Variants in ANK3 observed in about 807,000 individuals in gnomAD.
ANK3 encodes the protein ankyrin-3.
A neutral mutation model predicts 370.9 loss-of-function variants in ANK3; 57 were observed. The ratio of observed to expected loss-of-function variants is 0.15; its 90% CI spans 0.12 to 0.19. The LOEUF (loss-of-function observed/expected upper bound fraction) is 0.19. Among genes scored for constraint, ANK3 ranks in the 10% least tolerant of loss-of-function variants. The probability of loss-of-function intolerance (pLI) is 1.00; values close to 1 mark genes in which losing one functional copy is unlikely to be tolerated. For synonymous variants in ANK3, 1,929 were observed against 1,946.3 expected (o/e 0.99, Z 0.23); for missense variants, 4,439 against 5,302.1 (o/e 0.84, Z 5.06).
At chr10:60,623,318 T>C (rs920755445) in intron 1 of ANK3, among the ~76,000 whole-genome samples, 3 of 151,994 alleles carry the variant, frequency 2.0e-5, no homozygotes, top group African/African-American at 4.8e-5. Flanking sequence ...AAGAAAGGGA[T>C]CCAAAAAGGA....
intron 2 of ANK3, among the ~76,000 whole-genome samples, chr10:60,430,634 C>A (rs761796745): frequency 6.6e-6 from 1 of 152,100 alleles, no homozygotes; most frequent in Non-Finnish European, 1.5e-5. Flanking sequence ...CCTAGTTACA[C>A]GTATTACTGC....
At chr10:60,496,644 T>C (rs2075663335) in intron 2 of ANK3, among the ~76,000 whole-genome samples, 1 of 150,652 alleles carries the variant, frequency 6.6e-6, no homozygotes, top group Non-Finnish European at 1.5e-5. Context: ...TATCCAACTT[T>C]AATTACTTTA....
rs2131971885 is a variant in ANK3 at position 60,071,544 on chromosome 10, C to T, written c.9337G>A (p.Gly3113Ser). The T allele has an allele frequency of 6.2e-7, 1 of 1,613,874 alleles. No individual in the cohort carries two copies. The highest frequency in any genetic ancestry group is 1.1e-5 in the South Asian group (1 of 91,072). ...KQYEKEIQQG[G>S]VKKIISQECK... ...TCCTGACTTATGATTTTTTTTACAC[C>T]TCCTTGTTGTATCTCCTTTTCATAT... Residue 3113 changes from glycine (G) to serine (S), a missense_variant, in exon 37 of 44, where the codon GGT (glycine) becomes AGT (serine). Gly to Ser is a moderately conservative substitution (Grantham distance 56). Transcript: ENST00000280772.
chr10:60,471,720 A>G (rs1226199836), intron 2 of ANK3, among the ~76,000 whole-genome samples: 1 of 152,132 alleles, frequency 6.6e-6, no homozygotes, highest in Non-Finnish European at 1.5e-5. Flanking sequence ...TAAGAAATTA[A>G]TAATTTTTTA....
intron 18 of ANK3, among the ~76,000 whole-genome samples, chr10:60,175,154 A>C (rs758549561): frequency 6.6e-6 from 1 of 152,140 alleles, no homozygotes; most frequent in Non-Finnish European, 1.5e-5. Flanking sequence ...TCCCCCATCC[A>C]TACATCTTTT....
At position 60,034,161 on chromosome 10, in the gene ANK3, C is replaced by T. The variant is rs571017008; in HGVS notation, c.*20-4335G>A. On this transcript the variant is annotated intron_variant, in intron 43 of 43. Coordinates refer to ENST00000280772, the MANE Select transcript of ANK3 (RefSeq NM_020987.5). ...TTGCTCTGTCGCCCATGCTGGAATGCAAAGGCATGATCTTGGCTCACTGCA... is the reference window on the plus strand; with the variant it reads ...TTGCTCTGTCGCCCATGCTGGAATGTAAAGGCATGATCTTGGCTCACTGCA... 2.6e-4 allele frequency among the ~76,000 whole-genome samples: 34 copies of T among 131,816 alleles called. 1 individual carries two copies. The Admixed American group carries it at 2.8e-3, about 11-fold the overall frequency. The allele number at this position is 131,816 out of a possible 152,430, so 86.5% of individuals were successfully genotyped here.
chr10:60,289,173 G>A (rs1004830756), intron 1 of ANK3, among the ~76,000 whole-genome samples: 1 of 151,500 alleles, frequency 6.6e-6, no homozygotes, highest in Non-Finnish European at 1.5e-5. Context: ...CAGACTTCTA[G>A]TTTAACATAC....
At chr10:60,140,280 G>C in intron 23 of ANK3, 1 of 1,448,672 alleles carries the variant, frequency 6.9e-7, no homozygotes, top group Non-Finnish European at 9.7e-7. Flanking sequence ...ACTATTTACG[G>C]CTGGGCTATT....
chr10:60,674,832 G>A lies in ANK3; in HGVS notation c.57+58431C>T, dbSNP rs533068632. Among the ~76,000 whole-genome samples the A allele has an allele frequency of 4.9e-4, 74 of 152,170 alleles. 1 individual carries two copies. In the South Asian group the frequency reaches 0.013, roughly 26 times the overall value. On this transcript the variant is annotated intron_variant, in intron 1 of 43. Coordinates refer to the ANK3 transcript ENST00000373827. Reference sequence around the variant, plus strand: ...TATATTCTGAGTCATCTGGATGACCGTCTCATAACTGATCATTGTGCCTAT... The same window carrying A: ...TATATTCTGAGTCATCTGGATGACCATCTCATAACTGATCATTGTGCCTAT...
chr10:60,429,872 A>G (rs2063975664), intron 2 of ANK3, among the ~76,000 whole-genome samples: 1 of 152,228 alleles, frequency 6.6e-6, no homozygotes, highest in African/African-American at 2.4e-5. Context: ...TGAATCTCAT[A>G]TTTTAATGTA....
At chr10:60,277,053 T>A (rs1208891318) in intron 4 of ANK3, among the ~76,000 whole-genome samples, 1 of 152,146 alleles carries the variant, frequency 6.6e-6, no homozygotes, top group Non-Finnish European at 1.5e-5. Flanking sequence ...TTGGCATAGA[T>A]CATGTAACAG....
chr10:60,243,057 G>A (rs966998033), intron 7 of ANK3, among the ~76,000 whole-genome samples: 1 of 152,126 alleles, frequency 6.6e-6, no homozygotes, highest in East Asian at 1.9e-4. Context: ...ACCTAAGAGT[G>A]TGTTAAGAGA....
At chr10:60,130,184 G>A (rs139146180) in intron 25 of ANK3, among the ~76,000 whole-genome samples, 10 of 152,290 alleles carry the variant, frequency 6.6e-5, no homozygotes, top group African/African-American at 2.2e-4. Context: ...GGCTCAACAG[G>A]GGGTGGAGAT....
chr10:60,391,541 C>T (rs75018491), upstream of ANK3, among the ~76,000 whole-genome samples: 106 of 152,212 alleles, frequency 7.0e-4, no homozygotes, highest in African/African-American at 2.4e-3. Flanking sequence ...TTTTGAAAAA[C>T]GTTCATACAA....
chr10:60,729,092 C>T (rs928594802), intron 1 of ANK3, among the ~76,000 whole-genome samples: 4 of 152,140 alleles, frequency 2.6e-5, no homozygotes, highest in African/African-American at 9.7e-5. Context: ...CTCAAAAGTA[C>T]GTGTTGTTTA....
rs370441070 is a variant in ANK3 at position 60,202,310 on chromosome 10, C to T, written c.1392+692G>A. On this transcript the variant is annotated intron_variant, in intron 12 of 43. Coordinates refer to ENST00000280772, the MANE Select transcript of ANK3 (RefSeq NM_020987.5). ...CTAATTTTGTATTTTTTAGTAGAGA[C>T]GGGGGATTCTCCATGTTGGTCAGGC... is the stretch of plus-strand genomic sequence containing the variant. Among the ~76,000 whole-genome samples the T allele has an allele frequency of 8.6e-5, 13 of 151,712 alleles. No individual in the cohort carries two copies. The East Asian group carries it at 1.2e-3, about 14-fold the overall frequency.
At chr10:60,446,468 T>C (rs2064449115) in intron 2 of ANK3, among the ~76,000 whole-genome samples, 1 of 152,182 alleles carries the variant, frequency 6.6e-6, no homozygotes, top group Non-Finnish European at 1.5e-5. Flanking sequence ...CAGCATGACT[T>C]AGTATGAGTT....
At chr10:60,525,594 A>C (rs1323581662) in intron 2 of ANK3, among the ~76,000 whole-genome samples, 5 of 152,134 alleles carry the variant, frequency 3.3e-5, no homozygotes, top group African/African-American at 1.2e-4. Flanking sequence ...GTTCTGTCCT[A>C]TATGACTGTA....
rs749878219 is a variant in ANK3 at position 60,203,019 on chromosome 10, G to T, written c.1375C>A (p.Pro459Thr). ...ATACTTACCACATTGGTGGTGTTTG[G>T]TGAGGCTCCATGATGCATTAGTTGT... is the stretch of plus-strand genomic sequence containing the variant. ...VSQLMHHGAS[P>T]NTTNVRGETA... Residue 459 changes from proline (P) to threonine (T), a missense_variant, in exon 12 of 44, where the codon CCA (proline) becomes ACA (threonine). Pro to Thr is a conservative substitution (Grantham distance 38). Transcript: ENST00000280772. The T allele has an allele frequency of 5.6e-6, 9 of 1,612,170 alleles. No homozygotes were observed. The highest frequency in any genetic ancestry group is 7.6e-6 in the Non-Finnish European group (9 of 1,178,686).
Sources: allele counts gnomAD v4.1 joint callset (sites outside exome capture counted in the v4.1 genomes callset), GRCh38; gene constraint gnomAD v4.1.1; transcripts MANE v1.5; gene names NCBI Gene and HGNC (gene_info 2026-07-23, HGNC 2026-07-21).